MAGED1: variants seen among roughly 807,000 people sequenced by gnomAD.
MAGED1 encodes melanoma-associated antigen D1.
Under a neutral mutation model 54.1 loss-of-function variants are expected in MAGED1, and 3 were observed. That is an observed-to-expected ratio of 0.06 (90% CI 0.03 to 0.14). The LOEUF (loss-of-function observed/expected upper bound fraction) is 0.14. MAGED1 is among the 10% of genes least tolerant of loss of function. The probability of loss-of-function intolerance (pLI) is 1.00; values close to 1 mark genes in which losing one functional copy is unlikely to be tolerated. For missense variants in MAGED1, 485 were observed against 623.4 expected (o/e 0.78, Z 2.36); for synonymous variants, 217 against 227.3 (o/e 0.95, Z 0.41).
chrX:51,834,333 T>C (rs1306611464), intron 1 of MAGED1, among the ~76,000 whole-genome samples: 1 of 111,454 alleles, frequency 9.0e-6, no homozygotes, highest in Admixed American at 9.6e-5. Context: ...CTAACCACCA[T>C]AAAAACCCAA....
At chrX:51,813,117 G>A (rs782654737) in intron 1 of MAGED1, among the ~76,000 whole-genome samples, 20 of 104,382 alleles carry the variant, frequency 1.9e-4, no homozygotes, top group South Asian at 4.6e-4. Context: ...TCCACCTCCC[G>A]GGTTTAACCG....
chrX:51,874,813 T>C (rs1281418970), intron 1 of MAGED1, among the ~76,000 whole-genome samples: 4 of 110,807 alleles, frequency 3.6e-5, no homozygotes, highest in Non-Finnish European at 7.6e-5. Flanking sequence ...TTTTTCTGCT[T>C]CTTGGTATGC....
intron 1 of MAGED1, among the ~76,000 whole-genome samples, chrX:51,869,851 CAG>C (rs782598670): frequency 1.8e-5 from 2 of 111,367 alleles, no homozygotes; most frequent in Non-Finnish European, 3.8e-5. Flanking sequence ...GCCTGGGTGA[CAG>C]AGTGAGACCC....
At chrX:51,898,672 C>T (rs1557364604) in intron 10 of MAGED1, 29 bp downstream of exon 10, 1 of 1,166,222 alleles carries the variant, frequency 8.6e-7, no homozygotes, top group Admixed American at 2.3e-5. Context: ...GCTTTTCCTG[C>T]TTCTTATGAT....
rs1229735283 is a variant in MAGED1, at chrX:51,851,395, C to T, written c.-36-42874C>T. Among the ~76,000 whole-genome samples, 5 of 111,060 alleles carry T rather than the reference C, an allele frequency of 4.5e-5. 1 individual carries two copies. The highest frequency in any genetic ancestry group is 9.4e-5 in the Non-Finnish European group (5 of 53,027). Reference sequence around the variant, plus strand: ...TCTGTTTCCAAGTACAAGTAGTCCCCGCTTATCCTCCAGGGATACATTCCA... The same window carrying T: ...TCTGTTTCCAAGTACAAGTAGTCCCTGCTTATCCTCCAGGGATACATTCCA... On this transcript the variant is annotated intron_variant, in intron 1 of 12. Coordinates refer to the MAGED1 transcript ENST00000375772.
At chrX:51,899,726 G>A (rs1035060870) in intron 10 of MAGED1, 5 of 135,712 alleles carry the variant, frequency 3.7e-5, no homozygotes, top group Non-Finnish European at 7.1e-5. Flanking sequence ...ACAGGTGTGA[G>A]CCACCACACC....
Position 51,824,824 on chromosome X carries a change from A to G in MAGED1, c.-37+21707A>G, listed in dbSNP as rs782437950. Among the ~76,000 whole-genome samples the G allele has an allele frequency of 8.7e-5, 8 of 92,485 alleles. No homozygotes were observed. The East Asian group carries it at 2.3e-3, about 27-fold the overall frequency. The allele number at this position is 92,485 out of a possible 115,157, so 80.3% of individuals were successfully genotyped here. A position where few individuals can be genotyped will look rare whatever the true frequency, so the allele number is the denominator to read the frequency against. On this transcript the variant is annotated intron_variant, in intron 1 of 12. Transcript: ENST00000375772. Reference sequence around the variant, plus strand: ...TATACGTACATATATGTATATATACATATATATATATGCACAGACACACAC... The same window carrying G: ...TATACGTACATATATGTATATATACGTATATATATATGCACAGACACACAC...
chrX:51,901,216 G>A (rs948181020), intron 11 of MAGED1, among the ~76,000 whole-genome samples: 4 of 111,585 alleles, frequency 3.6e-5, no homozygotes, highest in Admixed American at 1.9e-4. Context: ...CCTTTTAACC[G>A]ATATCTCCCT....
At chrX:51,804,292 C>T (rs1276827671) in intron 1 of MAGED1, among the ~76,000 whole-genome samples, 1 of 111,541 alleles carries the variant, frequency 9.0e-6, no homozygotes, top group Admixed American at 9.5e-5. Flanking sequence ...TTTGAATAAG[C>T]AGTGGACTCC....
intron 1 of MAGED1, among the ~76,000 whole-genome samples, chrX:51,865,447 C>A (rs184735024): frequency 9.0e-6 from 1 of 111,577 alleles, no homozygotes; most frequent in Non-Finnish European, 1.9e-5. Context: ...ATTCAGGTAG[C>A]CCTTTCTTTA....
In MAGED1 at chrX:51,894,300, G is replaced by A. The variant is rs1557363859; in HGVS notation, c.-5G>A. 1.7e-6 allele frequency: 2 copies of A among 1,199,845 alleles called. No homozygotes were observed. The highest frequency in any genetic ancestry group is 2.2e-5 in the Admixed American group (1 of 45,345). On this transcript the variant is annotated 5_prime_UTR_variant, in exon 2 of 13. Coordinates refer to ENST00000326587, the MANE Select transcript of MAGED1 (RefSeq NM_006986.4). ...GGCTCCGCTCTTGCCAGAGGGACAG[G>A]AGCCATGGCTCAGAAAATGGACTGT...
intron 1 of MAGED1, among the ~76,000 whole-genome samples, chrX:51,830,942 A>G (rs782563225): frequency 6.3e-5 from 7 of 111,554 alleles, no homozygotes; most frequent in African/African-American, 2.3e-4. Flanking sequence ...GCTCACTACA[A>G]CCTCTGCTTC....
rs1929057706 is a variant in MAGED1, at chrX:51,902,161, G to A, written c.*24G>A. ...ATGTTCACAGATATTGCTATCAATCGCAGTAGTCTTTCCCCTGTGTGAGGC... is the reference window on the plus strand; with the variant it reads ...ATGTTCACAGATATTGCTATCAATCACAGTAGTCTTTCCCCTGTGTGAGGC... On this transcript the variant is annotated 3_prime_UTR_variant, in exon 13 of 13. Transcript: ENST00000326587. 2.2e-5 allele frequency: 7 copies of A among 318,837 alleles called. No homozygotes were observed. The highest frequency in any genetic ancestry group is 2.6e-4 in the South Asian group (2 of 7,579). The allele number at this position is 318,837 out of a possible 1,213,427, so 26.3% of individuals were successfully genotyped here.
chrX:51,837,099 G>A (rs1465737863), intron 1 of MAGED1, among the ~76,000 whole-genome samples: 3 of 111,563 alleles, frequency 2.7e-5, no homozygotes, highest in African/African-American at 9.8e-5. Context: ...GTACGCTGGG[G>A]CATTTATAGG....
At chrX:51,821,184 C>T (rs2053281716) in intron 1 of MAGED1, among the ~76,000 whole-genome samples, 1 of 111,356 alleles carries the variant, frequency 9.0e-6, no homozygotes, top group African/African-American at 3.3e-5. Flanking sequence ...TTAGTGGATT[C>T]CTTAGAATTT....
chrX:51,861,966 G>C (rs555480144), intron 1 of MAGED1, among the ~76,000 whole-genome samples: 2 of 111,851 alleles, frequency 1.8e-5, no homozygotes, highest in African/African-American at 6.5e-5. Context: ...TTTTCTGTTA[G>C]CTCTATCATA....
chrX:51,880,962 C>G (rs1928031218), intron 1 of MAGED1, among the ~76,000 whole-genome samples: 1 of 110,874 alleles, frequency 9.0e-6, no homozygotes, highest in Non-Finnish European at 1.9e-5. Flanking sequence ...AACCTCTTGT[C>G]TTAGTCAGTT....
At chrX:51,855,061 C>T (rs782296218) in intron 1 of MAGED1, among the ~76,000 whole-genome samples, 1 of 112,192 alleles carries the variant, frequency 8.9e-6, no homozygotes, top group Non-Finnish European at 1.9e-5. Flanking sequence ...ATGTCCCTCT[C>T]TCCCTGATTT....
At chrX:51,805,314 A>G (rs1557354955) in intron 1 of MAGED1, among the ~76,000 whole-genome samples, 1 of 111,516 alleles carries the variant, frequency 9.0e-6, no homozygotes, top group African/African-American at 3.3e-5. Flanking sequence ...GTTCAACACT[A>G]TTCTCTAAGG....
Sources: gnomAD v4.1 joint callset for allele counts (sites outside exome capture counted in the v4.1 genomes callset) on GRCh38, gnomAD v4.1.1 for gene constraint, MANE v1.5 for transcripts, NCBI Gene and HGNC (gene_info 2026-07-23, HGNC 2026-07-21) for gene names.